MTA3: variants seen among roughly 807,000 people sequenced by gnomAD.
MTA3 encodes the protein metastasis associated 1 family member 3.
MTA3 carries 34 observed loss-of-function variants against 83.5 expected under a neutral mutation model. The ratio of observed to expected loss-of-function variants is 0.41; its 90% CI spans 0.31 to 0.54. The LOEUF is 0.54. Ranked by LOEUF, MTA3 falls within the 20% of genes least tolerant of loss-of-function variation. The pLI is 0.33. For synonymous variants in MTA3, 303 were observed against 252.7 expected, an observed-to-expected ratio of 1.20 and a Z score of -1.89; for missense variants, 761 against 726.4, an observed-to-expected ratio of 1.05 and a Z score of -0.55.
At chr2:42,714,625 C>A (rs1295621258) in intron 14 of MTA3, among the ~76,000 whole-genome samples, 1 of 152,116 alleles carries the variant, frequency 6.6e-6, no homozygotes, top group Non-Finnish European at 1.5e-5. Flanking sequence ...CTAGGTTAAC[C>A]CCAAGGAAAT....
chr2:42,513,417 G>C (rs1012444245), intron 2 of MTA3, among the ~76,000 whole-genome samples: 14 of 152,172 alleles, frequency 9.2e-5, no homozygotes, highest in African/African-American at 3.4e-4. Flanking sequence ...CACTTCCAGA[G>C]AGGACCACTA....
intron 2 of MTA3, among the ~76,000 whole-genome samples, chr2:42,496,030 G>A (rs1396816877): frequency 6.6e-6 from 1 of 152,172 alleles, no homozygotes; most frequent in Non-Finnish European, 1.5e-5. Context: ...CTTTCTAGAA[G>A]CATCACAAGC....
chr2:42,607,077 G>T (rs1035709146), intron 3 of MTA3, among the ~76,000 whole-genome samples: 1 of 115,608 alleles, frequency 8.6e-6, no homozygotes, highest in South Asian at 3.2e-4. Context: ...TAGGGGTAGG[G>T]GTAGGGGTAG....
intron 2 of MTA3, among the ~76,000 whole-genome samples, chr2:42,552,099 C>A (rs985692322): frequency 6.6e-6 from 1 of 152,068 alleles, no homozygotes; most frequent in African/African-American, 2.4e-5. Flanking sequence ...CTCAAGCAGT[C>A]CTCCCACCTC....
intron 3 of MTA3, among the ~76,000 whole-genome samples, chr2:42,585,393 G>A (rs1015957099): frequency 1.3e-5 from 2 of 151,164 alleles, no homozygotes; most frequent in African/African-American, 4.9e-5. Flanking sequence ...TGGCTGAAAA[G>A]TGGAAATTAT....
Position 42,756,513 on chromosome 2 carries a change from C to G in MTA3, c.*3114C>G. On this transcript the variant is annotated 3_prime_UTR_variant, in exon 17 of 17. Transcript: ENST00000405094. Reference sequence around the variant, plus strand: ...AGTGCACTCGGTGTCATGTCTGAGCCTGGTGTTTATGCCCCACTGCTGTCC... The same window carrying G: ...AGTGCACTCGGTGTCATGTCTGAGCGTGGTGTTTATGCCCCACTGCTGTCC... 3.0e-6 allele frequency: 3 copies of G among 985,756 alleles called. No individual in the cohort carries two copies. The highest frequency in any genetic ancestry group is 3.6e-6 in the Non-Finnish European group (3 of 830,180). 61.1% of individuals were successfully genotyped at this position (985,756 alleles called of 1,614,324 possible).
intron 2 of MTA3, among the ~76,000 whole-genome samples, chr2:42,560,551 T>TA (rs562992500): frequency 2.1e-3 from 273 of 127,990 alleles, no homozygotes; most frequent in African/African-American, 5.4e-3. Flanking sequence ...GACTCCATCT[T>TA]AAAAAAAAAA....
chr2:42,638,890 T>G (rs765660601), intron 4 of MTA3, among the ~76,000 whole-genome samples: 33 of 9,290 alleles, frequency 3.6e-3, no homozygotes, highest in African/African-American at 0.016. Flanking sequence ...TTATAAGGGG[T>G]TTTTTTTTTT....
intron 14 of MTA3, among the ~76,000 whole-genome samples, chr2:42,713,918 G>A (rs1666831689): frequency 6.6e-6 from 1 of 152,162 alleles, no homozygotes; most frequent in South Asian, 2.1e-4. Flanking sequence ...AAATGGGAAT[G>A]TTCCTTACAA....
At chr2:42,606,284 A>G (rs1249618565) in intron 3 of MTA3, among the ~76,000 whole-genome samples, 17 of 138,986 alleles carry the variant, frequency 1.2e-4, no homozygotes, top group Admixed American at 1.1e-3. Flanking sequence ...CCGGGCGGAG[A>G]CGCTCCTCAC....
chr2:42,646,441 A>G (rs1312942987), intron 6 of MTA3, among the ~76,000 whole-genome samples: 1 of 152,230 alleles, frequency 6.6e-6, no homozygotes, highest in East Asian at 1.9e-4. Flanking sequence ...ACCTTCTGGA[A>G]AGAATTCTCC....
chr2:42,538,382 G>A (rs1312765723), intron 2 of MTA3, among the ~76,000 whole-genome samples: 1 of 152,038 alleles, frequency 6.6e-6, no homozygotes, highest in Non-Finnish European at 1.5e-5. Flanking sequence ...GTAGATTTGA[G>A]CTTTTTTAGG....
At chr2:42,590,898 A>T (rs1319257351) in intron 3 of MTA3, among the ~76,000 whole-genome samples, 1 of 152,054 alleles carries the variant, frequency 6.6e-6, no homozygotes, top group Non-Finnish European at 1.5e-5. Context: ...ACTGTGTTCC[A>T]GTTTTCATGA....
chr2:42,648,478 A>G (rs1573467233), intron 6 of MTA3, among the ~76,000 whole-genome samples: 2 of 152,322 alleles, frequency 1.3e-5, no homozygotes, highest in South Asian at 4.1e-4. Flanking sequence ...CTGCCAGGAT[A>G]TGTTACAGGC....
At chr2:42,565,447 C>T (rs892111373), upstream of MTA3, among the ~76,000 whole-genome samples, 2 of 150,990 alleles carry the variant, frequency 1.3e-5, no homozygotes, top group African/African-American at 4.9e-5. Context: ...GGATTACAGG[C>T]GTGAGCCACC....
intron 8 of MTA3, chr2:42,680,385 A>G (rs1022191718): frequency 6.6e-6 from 1 of 152,242 alleles, no homozygotes; most frequent in African/African-American, 2.4e-5. Flanking sequence ...TTAAGCCAAA[A>G]GCTAAATTTT....
intron 4 of MTA3, among the ~76,000 whole-genome samples, chr2:42,617,702 G>A (rs1573312355): frequency 6.6e-6 from 1 of 152,026 alleles, no homozygotes; most frequent in Non-Finnish European, 1.5e-5. Flanking sequence ...CTTGAACCCG[G>A]GAGGCGGACG....
chr2:42,498,692 G>A (rs370651201), intron 2 of MTA3, among the ~76,000 whole-genome samples: 2 of 152,186 alleles, frequency 1.3e-5, no homozygotes, highest in Non-Finnish European at 2.9e-5. Context: ...CTTGTGTGCT[G>A]CCTCTGTAAG....
chr2:42,691,178 A>C (rs1692863363), intron 9 of MTA3, among the ~76,000 whole-genome samples: 1 of 151,868 alleles, frequency 6.6e-6, no homozygotes, highest in Non-Finnish European at 1.5e-5. Context: ...GCCCCAGCTA[A>C]TTTTTGTATT....
Sources: gnomAD v4.1 joint callset for allele counts (sites outside exome capture counted in the v4.1 genomes callset) on GRCh38, gnomAD v4.1.1 for gene constraint, MANE v1.5 for transcripts, NCBI Gene and HGNC (gene_info 2026-07-23, HGNC 2026-07-21) for gene names.